Variants in COL4A6 observed in about 807,000 individuals in gnomAD.
The protein encoded by COL4A6 is collagen type IV alpha 6 chain, also known as collagen alpha-6(IV) chain.
In COL4A6, 59 loss-of-function variants were observed where a neutral mutation model predicts 126.7. The observed-to-expected ratio is 0.47, with a 90% confidence interval of 0.38 to 0.58. The LOEUF (loss-of-function observed/expected upper bound fraction) is 0.58, where lower values mean the gene tolerates loss of function less well. Among genes scored for constraint, COL4A6 ranks in the 20% least tolerant of loss-of-function variants. COL4A6 has a pLI of 0.00. For synonymous variants in COL4A6, 547 were observed against 496.6 expected, an observed-to-expected ratio of 1.10 and a Z score of -1.35; for missense variants, 1,285 against 1,337.3, an observed-to-expected ratio of 0.96 and a Z score of 0.61.
intron 23 of COL4A6, 65 bp from the exon 24 acceptor site, chrX:108,181,033 C>G: frequency 1.1e-6 from 1 of 940,635 alleles, no homozygotes; most frequent in Non-Finnish European, 1.5e-6. Context: ...CCCTAGTACG[C>G]TCCTTTACTT....
intron 3 of COL4A6, among the ~76,000 whole-genome samples, chrX:108,246,059 C>T (rs2036711458): frequency 9.0e-6 from 1 of 111,632 alleles, no homozygotes; most frequent in South Asian, 3.8e-4. Context: ...TTCTTTTCTC[C>T]AGTATCTCAA....
intron 2 of COL4A6, among the ~76,000 whole-genome samples, chrX:108,372,019 C>T (rs748296823): frequency 1.2e-4 from 13 of 111,178 alleles, no homozygotes; most frequent in African/African-American, 2.0e-4. Context: ...CATTTTGCTT[C>T]CCCTGCACAG....
chrX:108,242,749 G>T (rs147361110), intron 3 of COL4A6, among the ~76,000 whole-genome samples: 3,744 of 110,583 alleles, frequency 0.034, 166 homozygotes, highest in African/African-American at 0.12. Flanking sequence ...CTAGCAATGT[G>T]CATGGCACCT....
At chrX:108,158,466 A>C (rs1186521767) in intron 44 of COL4A6, among the ~76,000 whole-genome samples, 1 of 112,413 alleles carries the variant, frequency 8.9e-6, no homozygotes, top group South Asian at 3.7e-4. Context: ...GAGCCCTCCC[A>C]TAAGCAGGGC....
intron 3 of COL4A6, among the ~76,000 whole-genome samples, chrX:108,277,493 G>C (rs1488827081): frequency 8.9e-6 from 1 of 112,483 alleles, no homozygotes; most frequent in Non-Finnish European, 1.9e-5. Context: ...CCTGAAGCTC[G>C]AACTGGGTGG....
In COL4A6 at chrX:108,169,936, C is replaced by T. The variant is rs1321157403; in HGVS notation, c.3565+9G>A. On this transcript the variant is annotated intron_variant, in intron 36 of 44. Coordinates refer to ENST00000334504, the MANE Select transcript of COL4A6 (RefSeq NM_033641.4). ...ATGCCCTCCTCTTCACCCTGAGGGT[C>T]TTCCTAACCTGGAGTGCCATGGGTA... 8.5e-7 allele frequency: 1 copy of T among 1,175,668 alleles called. No homozygotes were observed. The highest frequency in any genetic ancestry group is 2.4e-5 in the Admixed American group (1 of 42,196).
chrX:108,343,175 T>TATATA lies in COL4A6; in HGVS notation c.64-32348_64-32347insTATAT, dbSNP rs1569434569. ...TATATATATATATATAGTGTGTGTG[T>TATATA]GTGTGTGTGTGTGTGTGTGTGTGTG... On this transcript the variant is annotated intron_variant, in intron 2 of 44. Transcript: ENST00000334504. Among the ~76,000 whole-genome samples the TATATA allele has an allele frequency of 3.6e-4, 35 of 96,068 alleles. No individual in the cohort carries two copies. In the East Asian group the frequency reaches 3.8e-3, roughly 11 times the overall value. The allele number at this position is 96,068 out of a possible 115,157, so 83.4% of individuals were successfully genotyped here. A position where few individuals can be genotyped will look rare whatever the true frequency, so the allele number is the denominator to read the frequency against.
At chrX:108,325,644 G>A (rs1375661965) in intron 2 of COL4A6, among the ~76,000 whole-genome samples, 1 of 110,746 alleles carries the variant, frequency 9.0e-6, no homozygotes, top group African/African-American at 3.3e-5. Context: ...TATTTTTCAG[G>A]GATATAGATA....
At chrX:108,164,513 C>T (rs1602706700) in intron 40 of COL4A6, 87 bp downstream of exon 40, 6 of 857,859 alleles carry the variant, frequency 7.0e-6, no homozygotes, top group East Asian at 3.2e-5. Flanking sequence ...ACTTTCTTGG[C>T]GTGGTGAGCA....
At chrX:108,417,410 T>G (rs1313836231) in intron 2 of COL4A6, among the ~76,000 whole-genome samples, 1 of 112,090 alleles carries the variant, frequency 8.9e-6, no homozygotes, top group Non-Finnish European at 1.9e-5. Context: ...AGTAGTAGTA[T>G]TAGTAGTAGC....
At chrX:108,377,927 G>A (rs1453003696) in intron 2 of COL4A6, among the ~76,000 whole-genome samples, 4 of 66,778 alleles carry the variant, frequency 6.0e-5, no homozygotes, top group Non-Finnish European at 9.7e-5. Context: ...GGGCGACAGA[G>A]CAAGACTCCG....
At chrX:108,240,345 A>T (rs780526655) in intron 3 of COL4A6, among the ~76,000 whole-genome samples, 1 of 112,508 alleles carries the variant, frequency 8.9e-6, no homozygotes, top group Non-Finnish European at 1.9e-5. Context: ...CTCATCCATT[A>T]ACGTTGTATA....
intron 3 of COL4A6, among the ~76,000 whole-genome samples, chrX:108,256,114 C>G (rs1011175912): frequency 1.8e-5 from 2 of 111,777 alleles, no homozygotes; most frequent in African/African-American, 6.5e-5. Flanking sequence ...ACAAACCACA[C>G]GGGTAAATCT....
At chrX:108,373,978 C>T (rs185111902) in intron 2 of COL4A6, among the ~76,000 whole-genome samples, 337 of 111,933 alleles carry the variant, frequency 3.0e-3, no homozygotes, top group African/African-American at 0.011. Flanking sequence ...ATATATCCTC[C>T]CCCAAAAGAA....
intron 2 of COL4A6, among the ~76,000 whole-genome samples, chrX:108,343,165 A>ATATAGTGTGTGTGTGTGTGT (rs1377817612): frequency 6.4e-5 from 2 of 31,412 alleles, no homozygotes; most frequent in African/African-American, 1.8e-4. Context: ...ATATATATAT[A>ATATAGTGTGTGTGTGTGTGT]GTGTGTGTGT....
chrX:108,388,402 T>C (rs190028680), intron 2 of COL4A6, among the ~76,000 whole-genome samples: 1 of 112,196 alleles, frequency 8.9e-6, no homozygotes, highest in East Asian at 2.8e-4. Flanking sequence ...AACTTGTTAT[T>C]CGTTTATTCA....
At chrX:108,183,828 C>G in intron 23 of COL4A6, 5 of 786,030 alleles carry the variant, frequency 6.4e-6, no homozygotes, top group Non-Finnish European at 8.1e-6. Context: ...CCTTGGGGCC[C>G]AAGGGAAGTC....
At chrX:108,314,440 C>T (rs1411577110) in intron 2 of COL4A6, among the ~76,000 whole-genome samples, 1 of 111,966 alleles carries the variant, frequency 8.9e-6, no homozygotes, top group Non-Finnish European at 1.9e-5. Flanking sequence ...ACTTCAGCTT[C>T]GGTGAACCAC....
At chrX:108,280,272 G>A (rs1165879510) in intron 3 of COL4A6, among the ~76,000 whole-genome samples, 1 of 110,995 alleles carries the variant, frequency 9.0e-6, no homozygotes, top group Admixed American at 9.6e-5. Context: ...AGAAAAGAGA[G>A]AAGAATCAAA....
Sources: allele counts gnomAD v4.1 joint callset (sites outside exome capture counted in the v4.1 genomes callset), GRCh38; gene constraint gnomAD v4.1.1; transcripts MANE v1.5; gene names NCBI Gene and HGNC (gene_info 2026-07-23, HGNC 2026-07-21).